The following FAIM2 variants were observed in gnomAD, a reference collection of about 807,000 sequenced individuals.
FAIM2 encodes the protein protein lifeguard 2.
Under a neutral mutation model 47.4 loss-of-function variants are expected in FAIM2, and 27 were observed. The observed-to-expected ratio is 0.57, with a 90% CI of 0.42 to 0.78. The LOEUF (loss-of-function observed/expected upper bound fraction) is 0.78. Ranked by LOEUF, FAIM2 falls within the 30% of genes least tolerant of loss-of-function variation. The probability of loss-of-function intolerance (pLI) is 0.00; values close to 1 mark genes in which losing one functional copy is unlikely to be tolerated. For missense variants in FAIM2, 311 were observed against 389.4 expected (o/e 0.80, Z 1.69); for synonymous variants, 156 against 159.3 (o/e 0.98, Z 0.16).
At chr12:49,895,949 G>A (rs1946933754) in intron 5 of FAIM2, among the ~76,000 whole-genome samples, 2 of 152,220 alleles carry the variant, frequency 1.3e-5, no homozygotes, top group Non-Finnish European at 2.9e-5. Flanking sequence ...CTCTCTGCCA[G>A]AGAAGTCCCA....
chr12:49,897,043 T>G lies in FAIM2; in HGVS notation c.422A>C (p.Tyr141Ser). The change falls in exon 5 of 12, where the codon TAC becomes TCC. Residue 141 changes from tyrosine (Y) to serine (S), a missense_variant. Tyr to Ser is a moderately radical substitution (Grantham distance 144, BLOSUM62 -2). Transcript: ENST00000320634. ...GAGATATACTCACTAGGATGCCCAGTACCAGCCTGGGTTGGCCTGGACATA... is the reference window on the plus strand; with the variant it reads ...GAGATATACTCACTAGGATGCCCAGGACCAGCCTGGGTTGGCCTGGACATA... ...KDYVQANPGW[Y>S]WASYAVFFAT... The G allele has an allele frequency of 1.2e-6, 2 of 1,613,488 alleles. No homozygotes were observed. Among genetic ancestry groups the G allele is most frequent in the Non-Finnish European group, 1.7e-6 (2 of 1,179,412 alleles).
Position 49,877,421 on chromosome 12 carries a change from G to A in FAIM2, c.802-6768C>T, listed in dbSNP as rs145480140. Among the ~76,000 whole-genome samples the A allele has an allele frequency of 5.1e-4, 35 of 68,044 alleles. No individual in the cohort carries two copies. In the East Asian group the frequency reaches 0.013, roughly 26 times the overall value. 44.6% of individuals were successfully genotyped at this position (68,044 alleles called of 152,430 possible). A position where few individuals can be genotyped will look rare whatever the true frequency, so the allele number is the denominator to read the frequency against. ...ACTGTTTCAGTGGCAGAGGGTGGGC[G>A]ACCTAATAGAGAAGGTTCTCACTGG... On this transcript the variant is annotated intron_variant, in intron 11 of 11. Transcript: ENST00000320634.
In FAIM2 at chr12:49,868,841, C is replaced by T. The variant is rs937955266; in HGVS notation, c.*1663G>A. ...CCCCAATGCCTTTGCTGCACACACA[C>T]CACCCGCCAGTTCTTGGCTCCTTTT... is the stretch of plus-strand genomic sequence containing the variant. On this transcript the variant is annotated 3_prime_UTR_variant, in exon 12 of 12. Coordinates refer to ENST00000320634, the MANE Select transcript of FAIM2 (RefSeq NM_012306.4). 2.0e-5 allele frequency: 3 copies of T among 152,322 alleles called. No individual in the cohort carries two copies. The highest frequency in any genetic ancestry group is 4.8e-5 in the African/African-American group (2 of 41,454). 9.4% of individuals were successfully genotyped at this position (152,322 alleles called of 1,614,324 possible).
At chr12:49,893,530 G>A (rs1480770575) in intron 5 of FAIM2, among the ~76,000 whole-genome samples, 2 of 152,190 alleles carry the variant, frequency 1.3e-5, no homozygotes, top group Non-Finnish European at 2.9e-5. Flanking sequence ...CCGGAGCTTG[G>A]TGCCTGGTAG....
intron 11 of FAIM2, among the ~76,000 whole-genome samples, chr12:49,880,208 G>C (rs1253086753): frequency 1.4e-5 from 2 of 145,928 alleles, no homozygotes; most frequent in Non-Finnish European, 3.0e-5. Flanking sequence ...ATGTGTGTGT[G>C]CATGTGTGTA....
rs1946950632 is a variant in FAIM2, at chr12:49,897,930, C to T, written c.315+57G>A. ...AGGCAGAGGGTTGGGCCAGGGACCT[C>T]TCCAGGGGCTCCCCCACTGAGGCTC... On this transcript the variant is annotated intron_variant, in intron 3 of 11. Transcript: ENST00000320634. 1.2e-5 allele frequency: 16 copies of T among 1,385,136 alleles called. 1 individual carries two copies. Among genetic ancestry groups the T allele is most frequent in the Middle Eastern group, 2.0e-4 (1 of 4,990 alleles). 85.8% of individuals were successfully genotyped at this position (1,385,136 alleles called of 1,614,324 possible). A position where few individuals can be genotyped will look rare whatever the true frequency, so the allele number is the denominator to read the frequency against.
At chr12:49,882,117 G>A (rs940525353) in intron 11 of FAIM2, among the ~76,000 whole-genome samples, 2 of 152,212 alleles carry the variant, frequency 1.3e-5, no homozygotes, top group South Asian at 2.1e-4. Context: ...TCCTTGAGGC[G>A]ACACACGTGC....
intron 1 of FAIM2, among the ~76,000 whole-genome samples, chr12:49,903,336 C>T (rs760722754): frequency 3.9e-5 from 6 of 152,190 alleles, no homozygotes; most frequent in African/African-American, 1.2e-4. Flanking sequence ...GGGTTGTTTC[C>T]GTGGAGGGTG....
At chr12:49,880,751 TGTGC>T (rs1946818056) in intron 11 of FAIM2, among the ~76,000 whole-genome samples, 1 of 152,038 alleles carries the variant, frequency 6.6e-6, no homozygotes, top group South Asian at 2.1e-4. Flanking sequence ...TGCATGTGTG[TGTGC>T]GCATGTGGGT....
chr12:49,899,514 C>T (rs1397905631), intron 2 of FAIM2, among the ~76,000 whole-genome samples: 1 of 152,196 alleles, frequency 6.6e-6, no homozygotes, highest in African/African-American at 2.4e-5. Context: ...GGTTCTCAAC[C>T]CAAGTATATT....
intron 2 of FAIM2, among the ~76,000 whole-genome samples, chr12:49,899,581 T>C (rs1946967062): frequency 6.6e-6 from 1 of 152,258 alleles, no homozygotes; most frequent in South Asian, 2.1e-4. Context: ...TCTTTCAGCC[T>C]TAAACACTCA....
chr12:49,880,492 G>GTGTA (rs1555158545), intron 11 of FAIM2, among the ~76,000 whole-genome samples: 3 of 84,232 alleles, frequency 3.6e-5, no homozygotes, highest in African/African-American at 1.6e-4. Flanking sequence ...GTATGCATGT[G>GTGTA]TATGTGTGTG....
chr12:49,901,344 G>C lies in FAIM2; in HGVS notation c.16-19C>G. The C allele has an allele frequency of 6.7e-7, 1 of 1,498,842 alleles. No homozygotes were observed. Among genetic ancestry groups the C allele is most frequent in the South Asian group, 1.3e-5 (1 of 76,638 alleles). The allele number at this position is 1,498,842 out of a possible 1,614,324, so 92.8% of individuals were successfully genotyped here. On this transcript the variant is annotated intron_variant, in intron 1 of 11. Coordinates refer to ENST00000320634, the MANE Select transcript of FAIM2 (RefSeq NM_012306.4). ...CGGAGAGCTATGGAGTAGAGTCAGAGAGAGAGATAGTCACCAGGGAAAGGG... is the reference window on the plus strand; with the variant it reads ...CGGAGAGCTATGGAGTAGAGTCAGACAGAGAGATAGTCACCAGGGAAAGGG...
At chr12:49,877,952 A>ATG (rs570363633) in intron 11 of FAIM2, among the ~76,000 whole-genome samples, 5 of 144,690 alleles carry the variant, frequency 3.5e-5, no homozygotes, top group East Asian at 2.0e-4. Context: ...ATATGTGCGT[A>ATG]TGTGTGTGTA....
chr12:49,892,290 C>G (rs142374810), intron 5 of FAIM2, among the ~76,000 whole-genome samples: 66 of 152,210 alleles, frequency 4.3e-4, no homozygotes, highest in African/African-American at 1.5e-3. Flanking sequence ...TTACTTAAAC[C>G]TTTCCACTGG....
At position 49,868,423 on chromosome 12, in the gene FAIM2, T is replaced by G. The variant is rs1266933067; in HGVS notation, c.*2081A>C. On this transcript the variant is annotated 3_prime_UTR_variant, in exon 12 of 12. Coordinates refer to ENST00000320634, the MANE Select transcript of FAIM2 (RefSeq NM_012306.4). ...GAGGCTAGGAACCAGAAACCAGAAA[T>G]CTTGCCTCCCAGCTCTTGTCTGGAA... 6.6e-6 allele frequency: 1 copy of G among 152,104 alleles called. No individual in the cohort carries two copies. The highest frequency in any genetic ancestry group is 2.4e-5 in the African/African-American group (1 of 41,406). The allele number at this position is 152,104 out of a possible 1,614,324, so 9.4% of individuals were successfully genotyped here.
At position 49,889,210 on chromosome 12, in the gene FAIM2, G is replaced by A. The variant is rs960736409; in HGVS notation, c.652-8C>T. 1.9e-6 allele frequency: 3 copies of A among 1,605,070 alleles called. No homozygotes were observed. Among genetic ancestry groups the A allele is most frequent in the Admixed American group, 1.7e-5 (1 of 59,008 alleles). On this transcript the variant is annotated splice_polypyrimidine_tract_variant and splice_region_variant and intron_variant, in intron 9 of 11. Transcript: ENST00000320634. ...GCAGGAGGTGAAGTCGAACTGTGGG[G>A]ACAGGATGGGGTTAGCTGCAGGAGC...
chr12:49,879,065 T>C (rs1238325267), intron 11 of FAIM2, among the ~76,000 whole-genome samples: 1 of 134,486 alleles, frequency 7.4e-6, no homozygotes, highest in Non-Finnish European at 1.5e-5. Context: ...TGCATGTATG[T>C]ATATGTGCAT....
intron 5 of FAIM2, among the ~76,000 whole-genome samples, chr12:49,896,207 T>C (rs1418154845): frequency 6.6e-6 from 1 of 152,190 alleles, no homozygotes; most frequent in Non-Finnish European, 1.5e-5. Flanking sequence ...AGGGCTGGGC[T>C]CACAGTGAGC....
Sources: gnomAD v4.1 joint callset for allele counts (sites outside exome capture counted in the v4.1 genomes callset) on GRCh38, gnomAD v4.1.1 for gene constraint, MANE v1.5 for transcripts, NCBI Gene and HGNC (gene_info 2026-07-23, HGNC 2026-07-21) for gene names.